The following OLFML2B variants were observed in gnomAD, a reference collection of about 807,000 sequenced individuals.
OLFML2B encodes the protein olfactomedin like 2B.
In OLFML2B, 57 loss-of-function variants were observed where a neutral mutation model predicts 74.9. That is an observed-to-expected ratio of 0.76 (90% CI 0.61 to 0.95). The LOEUF (loss-of-function observed/expected upper bound fraction) is 0.95, where lower values mean the gene tolerates loss of function less well. Ranked by LOEUF, OLFML2B falls within the 40% of genes least tolerant of loss-of-function variation. OLFML2B has a pLI of 0.00. For missense variants in OLFML2B, 986 were observed against 970.6 expected, an observed-to-expected ratio of 1.02 and a Z score of -0.21; for synonymous variants, 388 against 405.8, an observed-to-expected ratio of 0.96 and a Z score of 0.53.
At chr1:161,998,531 T>C (rs887240142) in intron 5 of OLFML2B, among the ~76,000 whole-genome samples, 182 bp from the exon 6 acceptor site, 7 of 152,076 alleles carry the variant, frequency 4.6e-5, no homozygotes, top group African/African-American at 1.7e-4. Flanking sequence ...TGGAAGGACA[T>C]TGAATTTCCA....
intron 4 of OLFML2B, among the ~76,000 whole-genome samples, chr1:162,004,258 C>T (rs1489909974): frequency 6.6e-6 from 1 of 152,112 alleles, no homozygotes; most frequent in Non-Finnish European, 1.5e-5. Flanking sequence ...CCCTTCCAGC[C>T]CAAATGTCTT....
At chr1:161,997,017 C>G (rs938281309) in intron 6 of OLFML2B, among the ~76,000 whole-genome samples, 1 of 152,142 alleles carries the variant, frequency 6.6e-6, no homozygotes, top group African/African-American at 2.4e-5. Context: ...ATTAGCTGGG[C>G]ATGGTGGCGG....
chr1:162,008,455 C>T (rs75476984), intron 3 of OLFML2B, among the ~76,000 whole-genome samples: 3,666 of 152,276 alleles, frequency 0.024, 146 homozygotes, highest in African/African-American at 0.084. Context: ...AGCTCACCTG[C>T]TGGATCACTA....
chr1:162,000,214 A>G lies in OLFML2B; in HGVS notation c.848T>C (p.Val283Ala). 1 of 1,612,640 alleles carries G rather than the reference A, an allele frequency of 6.2e-7. No homozygotes were observed. Among genetic ancestry groups the G allele is most frequent in the Non-Finnish European group, 8.5e-7 (1 of 1,179,794 alleles). The part of the protein sequence containing the change: ...VKSQRPLQRQ[V>A]HLRGRPASQP... ...GGAGGCCGGCCGGCCTCTCAGGTGG[A>G]CCTGCCTCTGCAGGGGCCGCTGTGA... is the stretch of plus-strand genomic sequence containing the variant. Residue 283 changes from valine (V) to alanine (A), a missense_variant, in exon 5 of 8, where the codon GTC (valine) becomes GCC (alanine). Physicochemically the swap from Val to Ala is moderately conservative, Grantham distance 64. Coordinates refer to ENST00000294794, the MANE Select transcript of OLFML2B (RefSeq NM_015441.3).
intron 4 of OLFML2B, among the ~76,000 whole-genome samples, chr1:162,005,494 G>A (rs1330772558): frequency 6.6e-6 from 1 of 152,216 alleles, no homozygotes; most frequent in Non-Finnish European, 1.5e-5. Flanking sequence ...GTATAGTTAT[G>A]AAAATATGTA....
intron 6 of OLFML2B, among the ~76,000 whole-genome samples, chr1:161,992,731 C>T (rs1271783960): frequency 2.0e-5 from 3 of 152,178 alleles, no homozygotes; most frequent in Non-Finnish European, 4.4e-5. Flanking sequence ...AGATCACACA[C>T]AGCATTTATG....
chr1:161,985,123 A>C, intron 6 of OLFML2B, 143 bp from the exon 7 acceptor site: 2 of 714,568 alleles, frequency 2.8e-6, no homozygotes, highest in East Asian at 2.9e-5. Flanking sequence ...ACATTTTTCC[A>C]CACCATCTCC....
chr1:162,000,885 C>T (rs1457364028), intron 4 of OLFML2B, among the ~76,000 whole-genome samples: 1 of 152,120 alleles, frequency 6.6e-6, no homozygotes, highest in Non-Finnish European at 1.5e-5. Flanking sequence ...CACATATCAC[C>T]CCCAGCCCCC....
intron 4 of OLFML2B, among the ~76,000 whole-genome samples, chr1:162,001,439 T>C (rs1468437381): frequency 6.6e-6 from 1 of 152,174 alleles, no homozygotes; most frequent in Non-Finnish European, 1.5e-5. Flanking sequence ...TTCTCTGGAC[T>C]GAAATGTGGA....
chr1:162,003,429 G>T (rs1468649558), intron 4 of OLFML2B, among the ~76,000 whole-genome samples: 1 of 152,230 alleles, frequency 6.6e-6, no homozygotes, highest in Non-Finnish European at 1.5e-5. Context: ...TCAGGGAAGG[G>T]TGGGAACTGC....
chr1:161,990,433 CTTT>C (rs1301480368), intron 6 of OLFML2B, among the ~76,000 whole-genome samples: 1 of 152,194 alleles, frequency 6.6e-6, no homozygotes, highest in Non-Finnish European at 1.5e-5. Flanking sequence ...AGTTTCACAA[CTTT>C]TTTGTTTCCC....
At chr1:162,003,780 T>A (rs1267842258) in intron 4 of OLFML2B, among the ~76,000 whole-genome samples, 2 of 152,156 alleles carry the variant, frequency 1.3e-5, no homozygotes, top group African/African-American at 4.8e-5. Flanking sequence ...TCTGACATTA[T>A]CTACAGGAAC....
intron 3 of OLFML2B, among the ~76,000 whole-genome samples, chr1:162,011,893 A>G (rs1473063384): frequency 6.6e-6 from 1 of 152,222 alleles, no homozygotes; most frequent in Non-Finnish European, 1.5e-5. Context: ...CGACGGATGG[A>G]GGGCTGACAC....
rs771276361 is a variant in OLFML2B, at chr1:162,017,399, C to T, written c.546+1G>A. ...GATATAGAAACCAGAATCTTCCTTA[C>T]CTCCTCCAGTTTATCCACTCGCCCC... On this transcript the variant is annotated splice_donor_variant, in intron 3 of 7. Transcript: ENST00000294794. LOFTEE classifies it high-confidence loss of function. The T allele has an allele frequency of 9.9e-6, 16 of 1,608,252 alleles. No homozygotes were observed. In the South Asian group the frequency reaches 1.1e-4, roughly 11 times the overall value.
Position 162,020,121 on chromosome 1 carries a change from C to A in OLFML2B, c.236G>T (p.Cys79Phe). The A allele has an allele frequency of 6.2e-7, 1 of 1,614,232 alleles. No homozygotes were observed. Among genetic ancestry groups the A allele is most frequent in the South Asian group, 1.1e-5 (1 of 91,086 alleles). ...MSEGSDCQCK[C>F]VVRPLGRDAC... ...ATCCCGGCCCAGGGGTCTCACCACA[C>A]ACTTGCACTGACAGTCCGAGCCCTC... Residue 79 changes from cysteine to phenylalanine, a missense_variant, in exon 2 of 8, where the codon TGT (cysteine) becomes TTT (phenylalanine). Coordinates refer to ENST00000294794, the MANE Select transcript of OLFML2B (RefSeq NM_015441.3).
At chr1:161,994,485 C>A (rs1394862086) in intron 6 of OLFML2B, among the ~76,000 whole-genome samples, 1 of 152,250 alleles carries the variant, frequency 6.6e-6, no homozygotes, top group African/African-American at 2.4e-5. Context: ...TCTGCTCCTG[C>A]CACCTGCCCT....
intron 3 of OLFML2B, among the ~76,000 whole-genome samples, chr1:162,010,068 G>A (rs1304971238): frequency 6.6e-6 from 1 of 152,240 alleles, no homozygotes; most frequent in Non-Finnish European, 1.5e-5. Flanking sequence ...TCTGGCAGAA[G>A]CAAGTGTACC....
At chr1:162,000,092 G>T in intron 5 of OLFML2B, 21 bp downstream of exon 5, 1 of 1,555,750 alleles carries the variant, frequency 6.4e-7, no homozygotes, top group Non-Finnish European at 8.7e-7. Context: ...CTCTGGGGCG[G>T]CCCTGTTGAC....
chr1:162,006,172 G>A, intron 4 of OLFML2B, 125 bp downstream of exon 4: 1 of 845,752 alleles, frequency 1.2e-6, no homozygotes, highest in Non-Finnish European at 1.7e-6. Context: ...CAGAACAATT[G>A]TATGGATGAA....
Sources: gnomAD v4.1 joint callset for allele counts (sites outside exome capture counted in the v4.1 genomes callset) on GRCh38, gnomAD v4.1.1 for gene constraint, MANE v1.5 for transcripts, NCBI Gene and HGNC (gene_info 2026-07-23, HGNC 2026-07-21) for gene names.